The following KLRG1 variants were observed in gnomAD, a reference collection of about 807,000 sequenced individuals.
The protein encoded by KLRG1 is killer cell lectin like receptor G1.
A neutral mutation model predicts 21.8 loss-of-function variants in KLRG1; 16 were observed. The observed-to-expected ratio is 0.73, with a 90% confidence interval of 0.50 to 1.11. The LOEUF is 1.11. Among genes scored for constraint, KLRG1 ranks in the 50% most tolerant of loss-of-function variants. KLRG1 has a pLI of 0.00. For missense variants in KLRG1, 173 were observed against 218.3 expected (o/e 0.79, Z 1.31); for synonymous variants, 69 against 75.9 (o/e 0.91, Z 0.47).
the KLRG1 span, among the ~76,000 whole-genome samples, chr12:9,076,177 A>G: frequency 6.6e-6 from 1 of 152,236 alleles, no homozygotes; most frequent in African/African-American, 2.4e-5. Flanking sequence ...GTTTAAGGTT[A>G]TATAATGTAC....
At chr12:9,028,237 T>A in the KLRG1 span, 1 of 513,106 alleles carries the variant, frequency 1.9e-6, no homozygotes, top group Non-Finnish European at 3.4e-6. Context: ...CTGCAACCTC[T>A]GCTTCCCAGA....
At chr12:9,163,041 T>C in the KLRG1 span, among the ~76,000 whole-genome samples, 2 of 152,166 alleles carry the variant, frequency 1.3e-5, no homozygotes, top group Non-Finnish European at 2.9e-5. Flanking sequence ...CTACTTGTTA[T>C]TGAATTATTA....
chr12:9,134,519 C>T, the KLRG1 span, among the ~76,000 whole-genome samples: 34 of 152,226 alleles, frequency 2.2e-4, 1 homozygote, highest in African/African-American at 7.9e-4. Flanking sequence ...ATCTCCAGAG[C>T]TTATTTACCT....
the KLRG1 span, chr12:9,196,314 T>G: frequency 1.9e-6 from 3 of 1,567,228 alleles, no homozygotes; most frequent in East Asian, 6.7e-5. Flanking sequence ...TACCTGTGCA[T>G]TACAACATAT....
At chr12:9,035,576 A>T in the KLRG1 span, among the ~76,000 whole-genome samples, 1 of 149,704 alleles carries the variant, frequency 6.7e-6, no homozygotes, top group Non-Finnish European at 1.5e-5. Flanking sequence ...CTGCACGTGT[A>T]CTCCAGAACT....
the KLRG1 span, among the ~76,000 whole-genome samples, chr12:9,145,881 C>A: frequency 6.6e-6 from 1 of 152,160 alleles, no homozygotes; most frequent in Non-Finnish European, 1.5e-5. Flanking sequence ...TTCTGGACTG[C>A]AAATTTCTGC....
the KLRG1 span, among the ~76,000 whole-genome samples, chr12:9,070,933 G>T: frequency 1.4e-3 from 209 of 152,024 alleles, 2 homozygotes; most frequent in East Asian, 0.032. Context: ...TGATTCTCCT[G>T]CCTCAGCCTC....
intron 3 of KLRG1, among the ~76,000 whole-genome samples, chr12:9,004,166 G>A (rs980383809): frequency 1.8e-4 from 27 of 152,124 alleles, no homozygotes; most frequent in Admixed American, 1.7e-3. Flanking sequence ...ATAAACACAC[G>A]TGTGCATGTG....
At chr12:9,098,896 T>G in the KLRG1 span, 2 of 827,452 alleles carry the variant, frequency 2.4e-6, no homozygotes, top group Non-Finnish European at 3.7e-6. Flanking sequence ...GTGTCAATCC[T>G]GAAGCTTTTT....
the KLRG1 span, among the ~76,000 whole-genome samples, chr12:9,085,092 A>G: frequency 6.6e-6 from 1 of 152,128 alleles, no homozygotes; most frequent in African/African-American, 2.4e-5. Context: ...GGGAATTTCA[A>G]CATCTCACTT....
chr12:9,168,430 CT>C, the KLRG1 span: 5 of 156,458 alleles, frequency 3.2e-5, no homozygotes, highest in East Asian at 1.9e-4. Context: ...TTGAAAAAGG[CT>C]GCTGTATTTG....
Position 8,989,566 on chromosome 12 carries a change from A to G in KLRG1, c.-70A>G, listed in dbSNP as rs1413501350. The G allele has an allele frequency of 6.2e-6, 6 of 960,554 alleles. No homozygotes were observed. The highest frequency in any genetic ancestry group is 1.5e-5 in the South Asian group (1 of 68,546). The allele number at this position is 960,554 out of a possible 1,614,324, so 59.5% of individuals were successfully genotyped here. ...AGTTTAGAGATTGGGCTGTTTCCTC[A>G]CTGATACATATCCCTTCACACTTCT... On this transcript the variant is annotated 5_prime_UTR_variant, in exon 1 of 5. Transcript: ENST00000356986.
chr12:9,143,154 A>G, the KLRG1 span, among the ~76,000 whole-genome samples: 1 of 152,230 alleles, frequency 6.6e-6, no homozygotes, highest in Non-Finnish European at 1.5e-5. Flanking sequence ...AAGTTAAATT[A>G]AAGGATTGGG....
At chr12:8,999,439 C>A (rs1339045236) in intron 3 of KLRG1, among the ~76,000 whole-genome samples, 2 of 152,210 alleles carry the variant, frequency 1.3e-5, no homozygotes, top group East Asian at 3.8e-4. Flanking sequence ...CTTGCAACAA[C>A]CTCTCATTCA....
the KLRG1 span, chr12:9,165,950 T>G: frequency 3.6e-6 from 5 of 1,395,066 alleles, no homozygotes; most frequent in Non-Finnish European, 3.9e-6. Context: ...GAGGTTAAGA[T>G]AATTATTCAG....
the KLRG1 span, among the ~76,000 whole-genome samples, chr12:9,137,342 T>C: frequency 6.6e-6 from 1 of 152,160 alleles, no homozygotes; most frequent in Non-Finnish European, 1.5e-5. Context: ...TGACCTTTTA[T>C]GGGTGCATTT....
chr12:9,136,012 T>G, the KLRG1 span, among the ~76,000 whole-genome samples: 1 of 152,286 alleles, frequency 6.6e-6, no homozygotes, highest in East Asian at 1.9e-4. Context: ...GTTTTAAACA[T>G]AGTAGTACTG....
chr12:8,975,750 C>T (rs182276222), intron 1 of KLRG1, among the ~76,000 whole-genome samples: 11 of 152,042 alleles, frequency 7.2e-5, no homozygotes, highest in South Asian at 2.1e-4. Context: ...TCAGTAGAGA[C>T]GAGGTTTTGC....
the KLRG1 span, among the ~76,000 whole-genome samples, chr12:9,052,182 T>G: frequency 2.0e-5 from 3 of 152,246 alleles, no homozygotes; most frequent in Admixed American, 1.3e-4. Flanking sequence ...TTCATAATCT[T>G]GGACTCCATT....
Sources: allele counts gnomAD v4.1 joint callset (sites outside exome capture counted in the v4.1 genomes callset), GRCh38; gene constraint gnomAD v4.1.1; transcripts MANE v1.5; gene names NCBI Gene and HGNC (gene_info 2026-07-23, HGNC 2026-07-21).